The following ACTN1 variants were observed in gnomAD, a reference collection of about 807,000 sequenced individuals.
The protein encoded by ACTN1 is alpha-actinin-1.
Under a neutral mutation model 119.6 loss-of-function variants are expected in ACTN1, and 30 were observed. The observed-to-expected ratio is 0.25, with a 90% CI of 0.19 to 0.34. The LOEUF is 0.34. ACTN1 is among the 10% of genes least tolerant of loss of function. The pLI is 1.00. For synonymous variants in ACTN1, 429 were observed against 472.6 expected, an observed-to-expected ratio of 0.91 and a Z score of 1.20; for missense variants, 764 against 1,223.4, an observed-to-expected ratio of 0.62 and a Z score of 5.60.
intron 1 of ACTN1, chr14:68,977,850 G>A: frequency 2.3e-6 from 1 of 431,294 alleles, no homozygotes; most frequent in Admixed American, 2.4e-5. Flanking sequence ...GGGTGGGGAG[G>A]GTATGAAACG....
At chr14:68,924,565 C>T (rs2034822768) in intron 2 of ACTN1, among the ~76,000 whole-genome samples, 1 of 152,182 alleles carries the variant, frequency 6.6e-6, no homozygotes, top group South Asian at 2.1e-4. Flanking sequence ...GGAGAGGCAC[C>T]GCGGGCTGAG....
chr14:68,933,579 C>T (rs76288956), intron 1 of ACTN1, among the ~76,000 whole-genome samples: 1,913 of 152,282 alleles, frequency 0.013, 43 homozygotes, highest in East Asian at 0.077. Context: ...AACTAGAATA[C>T]GGCCTCTGTA....
At chr14:68,944,620 G>A (rs2035872038) in intron 1 of ACTN1, among the ~76,000 whole-genome samples, 1 of 152,188 alleles carries the variant, frequency 6.6e-6, no homozygotes, top group East Asian at 1.9e-4. Flanking sequence ...GAAAGGTCCT[G>A]GAAGGCATAA....
rs148672537 is a variant in ACTN1, at chr14:68,930,128, G to A, written c.106-4456C>T. ...GGAAAGGAATATGGCTTTTGAGAAC[G>A]TGCCTTCCCTGCCCCCAAGCTCAGA... is the stretch of plus-strand genomic sequence containing the variant. On this transcript the variant is annotated intron_variant, in intron 1 of 21. Transcript: ENST00000394419. Among the ~76,000 whole-genome samples, 378 of 152,228 alleles carry A rather than the reference G, an allele frequency of 2.5e-3. 6 individuals are homozygous for A. The highest frequency in any genetic ancestry group is 8.7e-3 in the African/African-American group (360 of 41,538).
intron 10 of ACTN1, 72 bp downstream of exon 10, chr14:68,891,981 G>T: frequency 1.3e-6 from 2 of 1,558,360 alleles, no homozygotes; most frequent in South Asian, 1.2e-5. Flanking sequence ...AGCTGAATTT[G>T]ACCACAACTA....
chr14:68,950,479 A>ATATATATATATATATATAT (rs1566667536), intron 1 of ACTN1, among the ~76,000 whole-genome samples: 5 of 92,686 alleles, frequency 5.4e-5, no homozygotes, highest in African/African-American at 2.4e-4. Flanking sequence ...TATATATATA[A>ATATATATATATATATATAT]ATCAAACATA....
chr14:68,955,909 T>G (rs1263815749), intron 1 of ACTN1, among the ~76,000 whole-genome samples: 1 of 152,246 alleles, frequency 6.6e-6, no homozygotes, highest in African/African-American at 2.4e-5. Flanking sequence ...GAAGAAATAC[T>G]TGATTCACAT....
Position 68,879,173 on chromosome 14 carries a change from G to A in ACTN1, c.2281-104C>T. The stretch of plus-strand genomic sequence containing the variant: ...GGGTGGCGTGTGTGGGGAGACACAG[G>A]GACAGGCATGCGGAGGGAGGGTGGG... On this transcript the variant is annotated intron_variant, in intron 18 of 21. Transcript: ENST00000394419. This position sits in a 1 kb window ranked among gnomAD's most constrained non-coding sequence, Gnocchi z 4.9. 1 of 526,048 alleles carries A rather than the reference G, an allele frequency of 1.9e-6. No homozygotes were observed. The highest frequency in any genetic ancestry group is 3.0e-6 in the Non-Finnish European group (1 of 329,098). 32.6% of individuals were successfully genotyped at this position (526,048 alleles called of 1,614,324 possible).
intron 1 of ACTN1, among the ~76,000 whole-genome samples, chr14:68,933,780 G>A (rs1370401667): frequency 1.3e-5 from 2 of 151,984 alleles, no homozygotes; most frequent in Non-Finnish European, 2.9e-5. Flanking sequence ...CCAGGAGTTC[G>A]AGACCAGCCT....
intron 10 of ACTN1, 87 bp downstream of exon 10, chr14:68,891,966 C>G (rs547213540): frequency 2.0e-6 from 3 of 1,515,240 alleles, no homozygotes; most frequent in Non-Finnish European, 2.7e-6. Context: ...TCCGCACCCC[C>G]ATAAAGCTGA....
At chr14:68,950,801 T>C (rs1307089661) in intron 1 of ACTN1, among the ~76,000 whole-genome samples, 1 of 152,180 alleles carries the variant, frequency 6.6e-6, no homozygotes, top group Non-Finnish European at 1.5e-5. Flanking sequence ...GACCTTGTGA[T>C]CTGGCTGCCT....
Position 68,878,209 on chromosome 14 carries a change from T to G in ACTN1, c.2427+249A>C. 6.8e-6 allele frequency: 3 copies of G among 438,920 alleles called. No homozygotes were observed. The highest frequency in any genetic ancestry group is 4.8e-5 in the South Asian group (1 of 20,938). 27.2% of individuals were successfully genotyped at this position (438,920 alleles called of 1,614,324 possible). A position where few individuals can be genotyped will look rare whatever the true frequency, so the allele number is the denominator to read the frequency against. On this transcript the variant is annotated intron_variant, in intron 20 of 21. Transcript: ENST00000394419. The surrounding 1 kb of genome is among the most constrained non-coding windows in gnomAD (Gnocchi z 4.4). ...TCAGCCCAGCTGTCCACAGTGGGAG[T>G]GAGAAGTACCAGAAGATGAAGTGGC...
intron 11 of ACTN1, chr14:68,886,792 C>CA (rs377762909): frequency 9.9e-4 from 143 of 143,968 alleles, no homozygotes; most frequent in East Asian, 6.0e-3. Flanking sequence ...GACTCCGTTT[C>CA]AAAAAAAAAA....
intron 1 of ACTN1, among the ~76,000 whole-genome samples, chr14:68,939,072 G>A (rs2035667484): frequency 6.6e-6 from 1 of 152,206 alleles, no homozygotes; most frequent in African/African-American, 2.4e-5. Flanking sequence ...GGGCTCCTGG[G>A]CCACCATGAG....
chr14:68,901,247 TTG>T (rs1350172814), intron 8 of ACTN1, among the ~76,000 whole-genome samples: 5 of 130,456 alleles, frequency 3.8e-5, no homozygotes, highest in Admixed American at 2.3e-4. Context: ...TGTTTTTGTT[TTG>T]TTTTTTTTTT....
At chr14:68,968,614 G>A (rs1440504810) in intron 1 of ACTN1, among the ~76,000 whole-genome samples, 1 of 152,244 alleles carries the variant, frequency 6.6e-6, no homozygotes, top group African/African-American at 2.4e-5. Context: ...GAACACTGCG[G>A]TCGCAACTCT....
At chr14:68,891,346 A>G (rs2032463120) in intron 10 of ACTN1, among the ~76,000 whole-genome samples, 1 of 152,246 alleles carries the variant, frequency 6.6e-6, no homozygotes, top group African/African-American at 2.4e-5. Context: ...AGAGTATTTT[A>G]TGACATGGAA....
Position 68,978,753 on chromosome 14 carries a change from C to T in ACTN1, c.105+199G>A, listed in dbSNP as rs933179185. On this transcript the variant is annotated intron_variant, in intron 1 of 21. Coordinates refer to ENST00000394419, the MANE Select transcript of ACTN1 (RefSeq NM_001130004.2). The stretch of plus-strand genomic sequence containing the variant: ...CGCGCTCCGGCCCGGCGTTCCCGGG[C>T]TCCGGGGCAGGGGCGCTCCCGCTTC... The T allele has an allele frequency of 3.3e-4, 128 of 387,338 alleles. 1 individual carries two copies. The East Asian group carries it at 5.2e-3, about 16-fold the overall frequency. 24.0% of individuals were successfully genotyped at this position (387,338 alleles called of 1,614,324 possible). A position where few individuals can be genotyped will look rare whatever the true frequency, so the allele number is the denominator to read the frequency against.
intron 8 of ACTN1, among the ~76,000 whole-genome samples, chr14:68,899,762 C>T (rs2033187743): frequency 6.6e-6 from 1 of 152,158 alleles, no homozygotes; most frequent in South Asian, 2.1e-4. Flanking sequence ...GGACAGACCC[C>T]TGAAGGAGAA....
Sources: gnomAD v4.1 joint callset for allele counts (sites outside exome capture counted in the v4.1 genomes callset) on GRCh38, gnomAD v4.1.1 for gene constraint, Gnocchi (gnomAD v3.1) non-coding constraint, MANE v1.5 for transcripts, NCBI Gene and HGNC (gene_info 2026-07-23, HGNC 2026-07-21) for gene names.